Variants in PARP9 observed in about 807,000 individuals in gnomAD.
PARP9 encodes poly(ADP-ribose) polymerase family member 9.
Under a neutral mutation model 68.8 loss-of-function variants are expected in PARP9, and 48 were observed. The ratio of observed to expected loss-of-function variants is 0.70; its 90% CI spans 0.55 to 0.89. The LOEUF (loss-of-function observed/expected upper bound fraction) is 0.89, where lower values mean the gene tolerates loss of function less well. Ranked by LOEUF, PARP9 falls within the 40% of genes least tolerant of loss-of-function variation. The probability of loss-of-function intolerance (pLI) is 0.00; values close to 1 mark genes in which losing one functional copy is unlikely to be tolerated. For missense variants in PARP9, 806 were observed against 969.3 expected (o/e 0.83, Z 2.24); for synonymous variants, 309 against 333.8 (o/e 0.93, Z 0.81).
At position 122,564,286 on chromosome 3, in the gene PARP9, G is replaced by C. The variant is rs1040670198; in HGVS notation, c.-131C>G. ...CTCGGTGCAGACAGCACAGGGAGGA[G>C]GGGGAAGCGGCTCTGCCGGGAACAG... On this transcript the variant is annotated 5_prime_UTR_variant, in exon 1 of 11. Coordinates refer to ENST00000682323, the MANE Select transcript of PARP9 (RefSeq NM_001146105.2). The C allele has an allele frequency of 9.5e-7, 1 of 1,047,664 alleles. No individual in the cohort carries two copies. Among genetic ancestry groups the C allele is most frequent in the Non-Finnish European group, 1.3e-6 (1 of 746,600 alleles). 64.9% of individuals were successfully genotyped at this position (1,047,664 alleles called of 1,614,324 possible).
intron 7 of PARP9, among the ~76,000 whole-genome samples, chr3:122,544,685 A>G (rs1157475954): frequency 1.3e-5 from 2 of 152,160 alleles, no homozygotes; most frequent in Non-Finnish European, 2.9e-5. Flanking sequence ...TAATAAAATA[A>G]ATTAGCTGGG....
intron 7 of PARP9, among the ~76,000 whole-genome samples, chr3:122,544,269 C>T (rs919824211): frequency 6.6e-6 from 1 of 152,168 alleles, no homozygotes; most frequent in African/African-American, 2.4e-5. Context: ...AAAGGAATCC[C>T]TTTCTCCCCT....
intron 1 of PARP9, among the ~76,000 whole-genome samples, chr3:122,560,321 T>C (rs74713202): frequency 0.021 from 3,173 of 152,302 alleles, 118 homozygotes; most frequent in African/African-American, 0.072. Flanking sequence ...ATGAAAATGC[T>C]TAAAGATACA....
intron 4 of PARP9, among the ~76,000 whole-genome samples, chr3:122,554,298 C>T (rs2079453168): frequency 6.6e-6 from 1 of 152,032 alleles, no homozygotes; most frequent in South Asian, 2.1e-4. Flanking sequence ...CTTTCTTGGT[C>T]CACTATACTC....
intron 10 of PARP9, chr3:122,533,243 C>T (rs944998695): frequency 2.0e-5 from 3 of 152,092 alleles, no homozygotes; most frequent in Admixed American, 1.3e-4. Context: ...ATGTTTCAGC[C>T]TTAGGAAACC....
rs143390742 is a variant in PARP9 at position 122,552,501 on chromosome 3, A to T, written c.1024T>A (p.Leu342Met). ...TTAAATCCTTTTGTGACCAGTACCA[A>T]CTGGGACCGTTGAAACTGTTTAGCC... is the stretch of plus-strand genomic sequence containing the variant. ...TKAKQFQRSQ[L>M]VLVTKGFNLF... Residue 342 changes from leucine to methionine, a missense_variant, in exon 5 of 11, where the codon TTG becomes ATG. By Grantham distance (15) the Leu-to-Met change is conservative. Transcript: ENST00000682323. The T allele has an allele frequency of 1.8e-5, 29 of 1,614,138 alleles. No individual in the cohort carries two copies. The highest frequency in any genetic ancestry group is 2.5e-5 in the Non-Finnish European group (29 of 1,180,010).
At position 122,535,638 on chromosome 3, in the gene PARP9, T is replaced by C. The variant is rs1001090535; in HGVS notation, c.2080+530A>G. The stretch of plus-strand genomic sequence containing the variant: ...TGAAAAGAGACATGGGAGTTACACA[T>C]AGAACTCCTATGGATGAAGAGGATC... On this transcript the variant is annotated intron_variant, in intron 10 of 10. Transcript: ENST00000682323. 9.1e-6 allele frequency: 9 copies of C among 985,712 alleles called. No homozygotes were observed. The African/African-American group carries it at 1.4e-4, about 15-fold the overall frequency. The allele number at this position is 985,712 out of a possible 1,614,324, so 61.1% of individuals were successfully genotyped here.
chr3:122,562,230 G>A (rs971648748), intron 1 of PARP9, among the ~76,000 whole-genome samples: 3 of 148,130 alleles, frequency 2.0e-5, no homozygotes, highest in Non-Finnish European at 3.0e-5. Flanking sequence ...TTACTCTGTC[G>A]CCCAGGCTGT....
intron 10 of PARP9, among the ~76,000 whole-genome samples, chr3:122,529,234 T>TAA (rs59705545): frequency 0.012 from 937 of 77,208 alleles, 7 homozygotes; most frequent in Non-Finnish European, 0.017. Context: ...GCGAAACTCT[T>TAA]AAAAAAAAAA....
intron 9 of PARP9, chr3:122,536,696 G>A (rs542293313): frequency 8.4e-5 from 46 of 548,618 alleles, no homozygotes; most frequent in African/African-American, 5.9e-4. Context: ...GCTCAAAGAC[G>A]GGCTTCCTGG....
At position 122,564,294 on chromosome 3, in the gene PARP9, C is replaced by T; in HGVS notation, c.-139G>A. On this transcript the variant is annotated 5_prime_UTR_variant, in exon 1 of 11. Transcript: ENST00000682323. ...AGACAGCACAGGGAGGAGGGGGAAG[C>T]GGCTCTGCCGGGAACAGGGAGGGAC... The T allele has an allele frequency of 9.1e-7, 1 of 1,104,152 alleles. No individual in the cohort carries two copies. The highest frequency in any genetic ancestry group is 1.3e-6 in the Non-Finnish European group (1 of 797,046). 68.4% of individuals were successfully genotyped at this position (1,104,152 alleles called of 1,614,324 possible).
chr3:122,546,880 CG>C (rs1243835752), intron 6 of PARP9, among the ~76,000 whole-genome samples: 1 of 148,376 alleles, frequency 6.7e-6, no homozygotes, highest in Non-Finnish European at 1.5e-5. Flanking sequence ...AAAATGGAGA[CG>C]ACAACAGTGG....
chr3:122,548,670 T>C (rs1472970309), intron 6 of PARP9, among the ~76,000 whole-genome samples: 1 of 152,194 alleles, frequency 6.6e-6, no homozygotes, highest in Non-Finnish European at 1.5e-5. Flanking sequence ...CAGCTTGATC[T>C]GTCCACCCAA....
At position 122,528,759 on chromosome 3, in the gene PARP9, A is replaced by G. The variant is rs7628052; in HGVS notation, c.2081-16T>C. The G allele has an allele frequency of 0.26, 395,597 of 1,540,608 alleles. 52,377 individuals are homozygous for G. Among genetic ancestry groups the G allele is most frequent in the Non-Finnish European group, 0.27 (305,812 of 1,143,318 alleles). ...TATTTTGGATCTGATAAAGGAAAAA[A>G]TAAAATAAAAAGATTATTATAATCT... is the stretch of plus-strand genomic sequence containing the variant. On this transcript the variant is annotated splice_polypyrimidine_tract_variant and intron_variant, in intron 10 of 10. Coordinates refer to ENST00000682323, the MANE Select transcript of PARP9 (RefSeq NM_001146105.2).
chr3:122,555,044 T>C (rs981066062), intron 4 of PARP9, among the ~76,000 whole-genome samples: 1 of 152,074 alleles, frequency 6.6e-6, no homozygotes, highest in Non-Finnish European at 1.5e-5. Context: ...TAAATTAAAA[T>C]TTTTTAAAGA....
At chr3:122,529,258 A>AG (rs2077133147) in intron 10 of PARP9, among the ~76,000 whole-genome samples, 1 of 144,746 alleles carries the variant, frequency 6.9e-6, no homozygotes. Flanking sequence ...AAAAAAAAAA[A>AG]GAACCATTAG....
intron 7 of PARP9, among the ~76,000 whole-genome samples, chr3:122,542,060 G>A (rs1247753414): frequency 1.3e-5 from 2 of 152,022 alleles, no homozygotes; most frequent in Non-Finnish European, 2.9e-5. Flanking sequence ...TATATTGGAG[G>A]CATACTTTTT....
At chr3:122,547,442 C>T (rs528892687) in intron 6 of PARP9, among the ~76,000 whole-genome samples, 4 of 152,012 alleles carry the variant, frequency 2.6e-5, no homozygotes, top group African/African-American at 7.2e-5. Flanking sequence ...GCGCTCAGAC[C>T]GTGGTTGATC....
intron 1 of PARP9, among the ~76,000 whole-genome samples, chr3:122,560,047 G>A (rs2080056456): frequency 6.6e-6 from 1 of 152,152 alleles, no homozygotes; most frequent in African/African-American, 2.4e-5. Flanking sequence ...ATAACAAAGT[G>A]GTGAGACTGA....
Sources: allele counts gnomAD v4.1 joint callset (sites outside exome capture counted in the v4.1 genomes callset), GRCh38; gene constraint gnomAD v4.1.1; transcripts MANE v1.5; gene names NCBI Gene and HGNC (gene_info 2026-07-23, HGNC 2026-07-21).